The following TAF12 variants were observed in gnomAD, a reference collection of about 807,000 sequenced individuals.
The protein encoded by TAF12 is transcription initiation factor TFIID subunit 12.
A neutral mutation model predicts 20.8 loss-of-function variants in TAF12; 3 were observed. The ratio of observed to expected loss-of-function variants is 0.14; its 90% CI spans 0.07 to 0.37. The LOEUF is 0.37. Ranked by LOEUF, TAF12 falls within the 10% of genes least tolerant of loss-of-function variation. The pLI is 1.00. For missense variants in TAF12, 131 were observed against 197.9 expected (o/e 0.66, Z 2.03); for synonymous variants, 69 against 70.2 (o/e 0.98, Z 0.09).
intron 1 of TAF12, among the ~76,000 whole-genome samples, chr1:28,624,934 T>C (rs111754067): frequency 2.3e-3 from 349 of 152,244 alleles, no homozygotes; most frequent in African/African-American, 5.4e-3. Context: ...GTTTTAACCA[T>C]ATGTGGCCTC....
intron 1 of TAF12, among the ~76,000 whole-genome samples, chr1:28,627,049 A>G (rs1419829431): frequency 2.0e-5 from 3 of 152,024 alleles, no homozygotes; most frequent in African/African-American, 7.2e-5. Flanking sequence ...GGATGAAATT[A>G]GCAAATAACC....
At chr1:28,611,261 G>A (rs915457735) in intron 4 of TAF12, among the ~76,000 whole-genome samples, 3 of 151,912 alleles carry the variant, frequency 2.0e-5, no homozygotes, top group Non-Finnish European at 2.9e-5. Flanking sequence ...GAAGCAGAAT[G>A]GGAGGGTTGG....
At chr1:28,643,142 G>GGGCGCGCGCCTCGCTTGCGCA (rs1553130944), upstream of TAF12, 1 of 984,386 alleles carries the variant, frequency 1.0e-6, no homozygotes, top group Non-Finnish European at 1.2e-6. Flanking sequence ...TCCGGCCGGC[G>GGGCGCGCGCCTCGCTTGCGCA]GGCGCGCGCC....
chr1:28,634,197 C>T (rs1319980634), intron 1 of TAF12, among the ~76,000 whole-genome samples: 1 of 151,180 alleles, frequency 6.6e-6, no homozygotes, highest in Non-Finnish European at 1.5e-5. Flanking sequence ...AGGTGGATCA[C>T]AAGGTCAGGA....
intron 1 of TAF12, among the ~76,000 whole-genome samples, chr1:28,639,136 G>A (rs1452128441): frequency 2.0e-5 from 3 of 151,486 alleles, no homozygotes; most frequent in Admixed American, 2.0e-4. Flanking sequence ...GTGCAGTGGT[G>A]TGATCTCGGC....
At chr1:28,603,997 C>T (rs1431037401) in intron 5 of TAF12, among the ~76,000 whole-genome samples, 1 of 151,960 alleles carries the variant, frequency 6.6e-6, no homozygotes, top group East Asian at 1.9e-4. Context: ...CTCTGCCTCC[C>T]AAGTTCAAGT....
chr1:28,645,229 G>T (rs1300416817), upstream of TAF12, among the ~76,000 whole-genome samples: 3 of 151,072 alleles, frequency 2.0e-5, no homozygotes, highest in Non-Finnish European at 4.4e-5. Context: ...TAGAGATGGG[G>T]TTTCACCATG....
intron 1 of TAF12, among the ~76,000 whole-genome samples, chr1:28,630,367 CA>C (rs1667575022): frequency 6.6e-6 from 1 of 152,112 alleles, no homozygotes; most frequent in Admixed American, 6.6e-5. Flanking sequence ...CCAGCCTGAC[CA>C]ACATGGTGAA....
At chr1:28,607,885 C>A (rs1466618466) in intron 4 of TAF12, among the ~76,000 whole-genome samples, 1 of 151,866 alleles carries the variant, frequency 6.6e-6, no homozygotes, top group Non-Finnish European at 1.5e-5. Context: ...ACCTGTAATC[C>A]CACCACTTTG....
At chr1:28,648,088 G>A, upstream of TAF12, 1 of 850,762 alleles carries the variant, frequency 1.2e-6, no homozygotes, top group Non-Finnish European at 1.4e-6. Flanking sequence ...TTGTGACCTT[G>A]TGCTTCCACT....
At chr1:28,620,187 G>A (rs1363696788) in intron 2 of TAF12, among the ~76,000 whole-genome samples, 3 of 151,026 alleles carry the variant, frequency 2.0e-5, no homozygotes, top group East Asian at 3.9e-4. Context: ...AGGCTGGAGT[G>A]CAGTGGTGTA....
At chr1:28,612,726 T>C (rs1234628996) in intron 4 of TAF12, among the ~76,000 whole-genome samples, 2 of 151,842 alleles carry the variant, frequency 1.3e-5, no homozygotes, top group Non-Finnish European at 2.9e-5. Flanking sequence ...ATTTAGTGTC[T>C]GTTAAGTAGA....
In TAF12 at chr1:28,605,412, C is replaced by G. The variant is rs191329207; in HGVS notation, c.410G>C (p.Arg137Pro). The G allele has an allele frequency of 6.2e-7, 1 of 1,613,990 alleles. No individual in the cohort carries two copies. Among genetic ancestry groups the G allele is most frequent in the Admixed American group, 1.7e-5 (1 of 59,996 alleles). Reference sequence around the variant, plus strand: ...TGTGGTGCAAGCTTTTTTGTAGGGTCGGATTTCTTCAGAGCCAAATCCTGG... The same window carrying G: ...TGTGGTGCAAGCTTTTTTGTAGGGTGGGATTTCTTCAGAGCCAAATCCTGG... The part of the protein sequence containing the change: ...WIPGFGSEEI[R>P]PYKKACTTEA... The change falls in exon 5 of 6, where the codon CGA (arginine) becomes CCA (proline). Residue 137 changes from arginine to proline, a missense_variant. By Grantham distance (103) the Arg-to-Pro change is moderately radical. Transcript: ENST00000373824.
At chr1:28,638,003 T>A (rs1249458213) in intron 1 of TAF12, among the ~76,000 whole-genome samples, 1 of 151,800 alleles carries the variant, frequency 6.6e-6, no homozygotes, top group East Asian at 1.9e-4. Flanking sequence ...GTTTAATTAT[T>A]ATTATTATTT....
chr1:28,642,866 G>A (rs1668083666), intron 1 of TAF12, 126 bp downstream of exon 1: 2 of 985,836 alleles, frequency 2.0e-6, no homozygotes, highest in Non-Finnish European at 2.4e-6. Context: ...CCCTTCCCAA[G>A]AGCCTGAATC....
Position 28,637,212 on chromosome 1 carries a change from T to C in TAF12, c.-85+5780A>G, listed in dbSNP as rs190349567. On this transcript the variant is annotated intron_variant, in intron 1 of 5. Coordinates refer to ENST00000373824, the MANE Select transcript of TAF12 (RefSeq NM_005644.4). ...CTTTGGTCAGTTTCCACATCTGTAA[T>C]TAGGAGTTGGCCCAGGCAAATTCTT... 3.7e-3 allele frequency among the ~76,000 whole-genome samples: 565 copies of C among 152,286 alleles called. 1 individual carries two copies. The highest frequency in any genetic ancestry group is 5.4e-3 in the Non-Finnish European group (370 of 68,026).
At chr1:28,611,502 T>C (rs554627764) in intron 4 of TAF12, among the ~76,000 whole-genome samples, 17 of 152,208 alleles carry the variant, frequency 1.1e-4, no homozygotes, top group South Asian at 6.2e-4. Context: ...GGGTTAGCCC[T>C]TAATCCAATA....
At position 28,605,480 on chromosome 1, in the gene TAF12, A is replaced by C; in HGVS notation, c.362-20T>G. The C allele has an allele frequency of 6.2e-7, 1 of 1,612,858 alleles. No homozygotes were observed. The highest frequency in any genetic ancestry group is 1.3e-5 in the African/African-American group (1 of 74,974). On this transcript the variant is annotated intron_variant, in intron 4 of 5. Coordinates refer to ENST00000373824, the MANE Select transcript of TAF12 (RefSeq NM_005644.4). ...GGCGCTCTGCAAGGAAGAAGCCAGCACAGAGATAAACGTACCAAGAAGGCA... is the reference window on the plus strand; with the variant it reads ...GGCGCTCTGCAAGGAAGAAGCCAGCCCAGAGATAAACGTACCAAGAAGGCA...
Position 28,635,935 on chromosome 1 carries a change from C to T in TAF12, c.-85+7057G>A, listed in dbSNP as rs1445851218. Among the ~76,000 whole-genome samples, 4 of 151,876 alleles carry T rather than the reference C, an allele frequency of 2.6e-5. No homozygotes were observed. The East Asian group carries it at 5.8e-4, about 22-fold the overall frequency. ...AGTAATTTATTATTTAAGCAAAATACTGGAATCAAGAGGACTGGCCTGATG... is the reference window on the plus strand; with the variant it reads ...AGTAATTTATTATTTAAGCAAAATATTGGAATCAAGAGGACTGGCCTGATG... On this transcript the variant is annotated intron_variant, in intron 1 of 5. Coordinates refer to ENST00000373824, the MANE Select transcript of TAF12 (RefSeq NM_005644.4).
Sources: gnomAD v4.1 joint callset for allele counts (sites outside exome capture counted in the v4.1 genomes callset) on GRCh38, gnomAD v4.1.1 for gene constraint, MANE v1.5 for transcripts, NCBI Gene and HGNC (gene_info 2026-07-23, HGNC 2026-07-21) for gene names.